The following MTDH variants were observed in gnomAD, a reference collection of about 807,000 sequenced individuals.
MTDH encodes metadherin, also known as protein LYRIC.
Under a neutral mutation model 72.7 loss-of-function variants are expected in MTDH, and 34 were observed. The ratio of observed to expected loss-of-function variants is 0.47; its 90% CI spans 0.36 to 0.62. The LOEUF (loss-of-function observed/expected upper bound fraction) is 0.62, where lower values mean the gene tolerates loss of function less well. MTDH is among the 20% of genes least tolerant of loss of function. MTDH has a pLI of 0.00. For missense variants in MTDH, 677 were observed against 699.4 expected (o/e 0.97, Z 0.36); for synonymous variants, 266 against 268.9 (o/e 0.99, Z 0.10).
At chr8:97,720,419 G>A (rs1462613340) in intron 10 of MTDH, among the ~76,000 whole-genome samples, 2 of 151,672 alleles carry the variant, frequency 1.3e-5, no homozygotes, top group African/African-American at 4.8e-5. Context: ...TTTACAAAAA[G>A]CACAAAAATT....
intron 2 of MTDH, among the ~76,000 whole-genome samples, chr8:97,682,685 G>C (rs1264418525): frequency 6.6e-6 from 1 of 151,734 alleles, no homozygotes; most frequent in Non-Finnish European, 1.5e-5. Flanking sequence ...CAGATTTTTA[G>C]TTACAAATCC....
At chr8:97,683,471 C>T (rs2130991653) in intron 2 of MTDH, among the ~76,000 whole-genome samples, 1 of 152,184 alleles carries the variant, frequency 6.6e-6, no homozygotes, top group South Asian at 2.1e-4. Context: ...TCACAGCTCA[C>T]TTCAGCCTCA....
At chr8:97,723,694 G>T (rs1005709786) in intron 11 of MTDH, among the ~76,000 whole-genome samples, 6 of 146,550 alleles carry the variant, frequency 4.1e-5, no homozygotes, top group African/African-American at 1.5e-4. Context: ...AGTGAGCCGA[G>T]ATCATGCCAC....
At chr8:97,645,250 C>T (rs1046050416) in intron 1 of MTDH, among the ~76,000 whole-genome samples, 2 of 152,096 alleles carry the variant, frequency 1.3e-5, no homozygotes, top group African/African-American at 4.8e-5. Flanking sequence ...GTAATGGGAC[C>T]TTAAGGTGGT....
In MTDH at chr8:97,689,049, C is replaced by G; in HGVS notation, c.757C>G (p.Leu253Val). ...GSKKNKGDSHLNVQVSNFKSG... is the reference protein window; with the variant it reads ...GSKKNKGDSHVNVQVSNFKSG... ...TCTATTTTAACCAGGTGATTCTCAT[C>G]TAAATGTTCAAGTTAGCAACTTTAA... The change falls in exon 5 of 12, where the codon CTA becomes GTA. Residue 253 changes from leucine to valine, a missense_variant. Physicochemically the swap from Leu to Val is conservative, Grantham distance 32. Around this residue, in one of 3 missense-constraint regions of MTDH, gnomAD observed 467 missense variants for 469.1 expected, o/e 1.00. Coordinates refer to ENST00000336273, the MANE Select transcript of MTDH (RefSeq NM_178812.4). The G allele has an allele frequency of 1.3e-6, 2 of 1,571,102 alleles. No homozygotes were observed. Among genetic ancestry groups the G allele is most frequent in the Non-Finnish European group, 1.7e-6 (2 of 1,148,140 alleles).
At chr8:97,722,485 C>G (rs1253909360) in intron 10 of MTDH, among the ~76,000 whole-genome samples, 1 of 152,096 alleles carries the variant, frequency 6.6e-6, no homozygotes, top group Non-Finnish European at 1.5e-5. Flanking sequence ...GCCTGTAGTC[C>G]CAGCTACTCA....
intron 5 of MTDH, among the ~76,000 whole-genome samples, chr8:97,690,372 A>G (rs540226922): frequency 4.6e-5 from 7 of 152,194 alleles, no homozygotes; most frequent in Non-Finnish European, 1.0e-4. Context: ...GCTACACATT[A>G]GTTATCCAGG....
At chr8:97,649,660 G>T (rs1811687633) in intron 1 of MTDH, among the ~76,000 whole-genome samples, 1 of 152,182 alleles carries the variant, frequency 6.6e-6, no homozygotes, top group African/African-American at 2.4e-5. Context: ...CTGGAGTGCA[G>T]TGGTGTGAAC....
At chr8:97,710,629 A>G (rs890914588) in intron 8 of MTDH, among the ~76,000 whole-genome samples, 6 of 141,082 alleles carry the variant, frequency 4.3e-5, no homozygotes, top group African/African-American at 1.1e-4. Flanking sequence ...ACTGGGAGGC[A>G]GAGGTTGCAG....
intron 6 of MTDH, among the ~76,000 whole-genome samples, chr8:97,693,109 T>C (rs1279326552): frequency 6.6e-6 from 1 of 152,198 alleles, no homozygotes; most frequent in African/African-American, 2.4e-5. Flanking sequence ...TTTGTAATGC[T>C]CTACTACATA....
chr8:97,684,470 T>G, intron 2 of MTDH, among the ~76,000 whole-genome samples: 1 of 152,200 alleles, frequency 6.6e-6, no homozygotes, highest in African/African-American at 2.4e-5. Context: ...AATAAAATTT[T>G]ATTGGAACAT....
intron 6 of MTDH, among the ~76,000 whole-genome samples, chr8:97,694,354 C>T (rs1017858008): frequency 1.3e-5 from 2 of 151,948 alleles, no homozygotes; most frequent in Admixed American, 6.6e-5. Flanking sequence ...TGCGCCACCA[C>T]GCCTGGCTAA....
chr8:97,656,301 CTTT>C lies in MTDH; in HGVS notation c.382-4751_382-4749del, dbSNP rs34020581. 5.7e-3 allele frequency among the ~76,000 whole-genome samples: 669 copies of C among 117,924 alleles called. 1 individual carries two copies. Among genetic ancestry groups the C allele is most frequent in the African/African-American group, 0.021 (589 of 27,996 alleles). 77.4% of individuals were successfully genotyped at this position (117,924 alleles called of 152,430 possible). ...CAAATGACATCTGTTATTAAGCATA[CTTT>C]TTTTTTTTTTTTTTTTTTTGAGACA... On this transcript the variant is annotated intron_variant, in intron 1 of 11. Coordinates refer to ENST00000336273, the MANE Select transcript of MTDH (RefSeq NM_178812.4).
rs1011250389 is a variant in MTDH, at chr8:97,726,931, T to C, written c.*2261T>C. The C allele has an allele frequency of 1.3e-5, 2 of 150,920 alleles. No individual in the cohort carries two copies. Among genetic ancestry groups the C allele is most frequent in the Non-Finnish European group, 3.0e-5 (2 of 67,776 alleles). 9.3% of individuals were successfully genotyped at this position (150,920 alleles called of 1,614,324 possible). A position where few individuals can be genotyped will look rare whatever the true frequency, so the allele number is the denominator to read the frequency against. On this transcript the variant is annotated 3_prime_UTR_variant, in exon 12 of 12. Transcript: ENST00000336273. ...TTACTAAAAATACAAAAAAAAAAATTAGCTGGGTGTGGTGGTGGGCTCCTG... is the reference window on the plus strand; with the variant it reads ...TTACTAAAAATACAAAAAAAAAAATCAGCTGGGTGTGGTGGTGGGCTCCTG...
At chr8:97,669,497 G>A (rs1045942532) in intron 2 of MTDH, among the ~76,000 whole-genome samples, 7 of 152,004 alleles carry the variant, frequency 4.6e-5, no homozygotes. Context: ...AAGAAATCTC[G>A]TGTCCATTAG....
chr8:97,689,137 C>T, intron 5 of MTDH, 34 bp downstream of exon 5: 1 of 1,296,342 alleles, frequency 7.7e-7, no homozygotes, highest in Non-Finnish European at 1.1e-6. Flanking sequence ...AAATTGAAGG[C>T]CCATCAAAAT....
intron 2 of MTDH, among the ~76,000 whole-genome samples, chr8:97,684,364 A>G (rs1813274665): frequency 6.6e-6 from 1 of 152,242 alleles, no homozygotes; most frequent in South Asian, 2.1e-4. Context: ...AAAAATATAT[A>G]TGTGGTTTGC....
At chr8:97,660,749 C>G (rs575902279) in intron 1 of MTDH, among the ~76,000 whole-genome samples, 64 of 152,158 alleles carry the variant, frequency 4.2e-4, no homozygotes, top group African/African-American at 1.4e-3. Context: ...TGAGATTACA[C>G]AGTTAATTGG....
At position 97,730,230 on chromosome 8, in the gene MTDH, C is replaced by T. The variant is rs1225398357; in HGVS notation, c.*5560C>T. Among the ~76,000 whole-genome samples, 2 of 152,062 alleles carry T rather than the reference C, an allele frequency of 1.3e-5. No individual in the cohort carries two copies. The highest frequency in any genetic ancestry group is 2.9e-5 in the Non-Finnish European group (2 of 68,018). ...GTAACATGTACCTAAGTTTTAAAAG[C>T]ATAATAAAATGAACACATCTGAAAC... On this transcript the variant is annotated 3_prime_UTR_variant, in exon 12 of 12. Transcript: ENST00000336273.
Sources: gnomAD v4.1 joint callset for allele counts (sites outside exome capture counted in the v4.1 genomes callset) on GRCh38, gnomAD v4.1.1 for gene constraint, gnomAD v4.1.1 regional missense constraint, MANE v1.5 for transcripts, NCBI Gene and HGNC (gene_info 2026-07-23, HGNC 2026-07-21) for gene names.